The following ACLY variants were observed in gnomAD, a reference collection of about 807,000 sequenced individuals.
ACLY encodes the protein ATP citrate lyase, also known as ATP-citrate synthase.
Under a neutral mutation model 133.0 loss-of-function variants are expected in ACLY, and 41 were observed. That is an observed-to-expected ratio of 0.31 (90% CI 0.24 to 0.40). The LOEUF is 0.40. Ranked by LOEUF, ACLY falls within the 10% of genes least tolerant of loss-of-function variation. The pLI, the probability that ACLY is intolerant of heterozygous loss-of-function variation, is 1.00. For synonymous variants in ACLY, 495 were observed against 549.3 expected (o/e 0.90, Z 1.38); for missense variants, 1,046 against 1,453.8 (o/e 0.72, Z 4.56).
chr17:41,892,902 C>T, intron 15 of ACLY, 131 bp downstream of exon 15: 4 of 1,192,752 alleles, frequency 3.4e-6, no homozygotes, highest in Non-Finnish European at 4.7e-6. Flanking sequence ...TGGTCTCAAA[C>T]TCCTGGGCTC....
chr17:41,887,933 G>T (rs575736398), intron 16 of ACLY, among the ~76,000 whole-genome samples: 2,530 of 152,168 alleles, frequency 0.017, 81 homozygotes, highest in African/African-American at 0.058. Context: ...TTCGAGACCA[G>T]CCTGGCCAAC....
intron 7 of ACLY, 121 bp from the exon 8 acceptor site, chr17:41,906,767 G>T (rs2049731606): frequency 1.1e-6 from 1 of 891,512 alleles, no homozygotes; most frequent in African/African-American, 1.6e-5. Context: ...GGGGTGGGAA[G>T]AAGGGGCTAC....
At chr17:41,928,894 T>C (rs2050275999) in intron 1 of ACLY, among the ~76,000 whole-genome samples, 1 of 149,558 alleles carries the variant, frequency 6.7e-6, no homozygotes, top group Non-Finnish European at 1.5e-5. Flanking sequence ...TGATTGGAAC[T>C]GCACTGAATC....
chr17:41,898,828 A>G, intron 11 of ACLY, 43 bp from the exon 12 acceptor site: 1 of 1,586,398 alleles, frequency 6.3e-7, no homozygotes. Flanking sequence ...AAGTCTGCAG[A>G]TAAGGGCCCA....
chr17:41,869,267 A>G lies in ACLY; in HGVS notation c.3052-142T>C, dbSNP rs2048539050. 22 of 870,696 alleles carry G rather than the reference A, an allele frequency of 2.5e-5. No homozygotes were observed. The South Asian group carries it at 3.6e-4, about 14-fold the overall frequency. 53.9% of individuals were successfully genotyped at this position (870,696 alleles called of 1,614,324 possible). Reference sequence around the variant, plus strand: ...GCCCCACTGGTCGACACTGTGTCTGACTCAGTTCAATTCCCAGCATCTAGC... The same window carrying G: ...GCCCCACTGGTCGACACTGTGTCTGGCTCAGTTCAATTCCCAGCATCTAGC... On this transcript the variant is annotated intron_variant, in intron 26 of 28. Transcript: ENST00000352035.
At chr17:41,872,834 A>G (rs1432949149) in intron 23 of ACLY, among the ~76,000 whole-genome samples, 1 of 152,160 alleles carries the variant, frequency 6.6e-6, no homozygotes, top group African/African-American at 2.4e-5. Flanking sequence ...CAACCTCCCA[A>G]CTAAGAATCA....
rs1423332501 is a variant in ACLY, at chr17:41,912,626, G to T, written c.160-84C>A. 3.9e-6 allele frequency: 6 copies of T among 1,532,818 alleles called. No homozygotes were observed. In the African/African-American group the frequency reaches 8.2e-5, roughly 21 times the overall value. The allele number at this position is 1,532,818 out of a possible 1,614,324, so 95.0% of individuals were successfully genotyped here. A position where few individuals can be genotyped will look rare whatever the true frequency, so the allele number is the denominator to read the frequency against. ...TGGGGATCCAAATAGAGGACAGCAG[G>T]GATTGACTTCCCATTCACTCTGCTC... On this transcript the variant is annotated intron_variant, in intron 2 of 28. Coordinates refer to ENST00000352035, the MANE Select transcript of ACLY (RefSeq NM_001096.3).
At chr17:41,904,837 T>C in intron 9 of ACLY, 47 bp from the exon 10 acceptor site, 1 of 1,556,054 alleles carries the variant, frequency 6.4e-7, no homozygotes, top group Non-Finnish European at 8.9e-7. Flanking sequence ...ATAGGTAGAC[T>C]TGAGCATCTT....
intron 10 of ACLY, among the ~76,000 whole-genome samples, chr17:41,902,167 A>C (rs1182109210): frequency 6.6e-6 from 1 of 152,218 alleles, no homozygotes; most frequent in Non-Finnish European, 1.5e-5. Context: ...TCTCAGAGGT[A>C]CTAAGACATA....
rs557833498 is a variant in ACLY at position 41,899,194 on chromosome 17, G to T, written c.1184-409C>A. On this transcript the variant is annotated intron_variant, in intron 11 of 28. Transcript: ENST00000352035. ...GGAGGCTCAGGCAGGAGGATCCCTTGAAACTGGGAGGCAGAGGTTGCAAAG... is the reference window on the plus strand; with the variant it reads ...GGAGGCTCAGGCAGGAGGATCCCTTTAAACTGGGAGGCAGAGGTTGCAAAG... 9.2e-5 allele frequency among the ~76,000 whole-genome samples: 14 copies of T among 152,026 alleles called. 1 individual carries two copies. Among genetic ancestry groups the T allele is most frequent in the African/African-American group, 3.4e-4 (14 of 41,446 alleles).
chr17:41,907,420 C>G (rs2049753340), intron 7 of ACLY, 22 bp downstream of exon 7: 1 of 1,598,688 alleles, frequency 6.3e-7, no homozygotes, highest in African/African-American at 1.3e-5. Flanking sequence ...CAGTCCCCAT[C>G]TCCTCTCTAA....
intron 1 of ACLY, among the ~76,000 whole-genome samples, chr17:41,915,090 A>G (rs1333700944): frequency 2.0e-5 from 3 of 152,170 alleles, no homozygotes; most frequent in African/African-American, 7.2e-5. Flanking sequence ...CCAGCCCAAG[A>G]AAAGACCATT....
chr17:41,913,273 A>C (rs1338638841), intron 2 of ACLY, among the ~76,000 whole-genome samples: 5 of 152,200 alleles, frequency 3.3e-5, no homozygotes, highest in Non-Finnish European at 7.3e-5. Context: ...TACATTCCTG[A>C]TATACTCCAC....
chr17:41,919,200 C>T (rs1471699256), upstream of ACLY, among the ~76,000 whole-genome samples: 1 of 152,116 alleles, frequency 6.6e-6, no homozygotes, highest in Non-Finnish European at 1.5e-5. Context: ...GGGGCGGGGC[C>T]CCGGGTGGGG....
At chr17:41,915,602 A>G (rs1439728713) in intron 1 of ACLY, among the ~76,000 whole-genome samples, 5 of 152,148 alleles carry the variant, frequency 3.3e-5, no homozygotes, top group African/African-American at 9.7e-5. Flanking sequence ...AAAGTGGGGT[A>G]GCTGGGAAGG....
At chr17:41,887,549 C>T (rs1298455019) in intron 17 of ACLY, 50 bp downstream of exon 17, 2 of 1,519,688 alleles carry the variant, frequency 1.3e-6, no homozygotes, top group Non-Finnish European at 1.8e-6. Flanking sequence ...GGGCATTGAA[C>T]TTCATAAGAT....
chr17:41,908,486 G>A (rs1482910601), intron 6 of ACLY, among the ~76,000 whole-genome samples: 7 of 152,198 alleles, frequency 4.6e-5, no homozygotes, highest in South Asian at 2.1e-4. Context: ...ACTTCTGGCC[G>A]GGCGTGGTGG....
At chr17:41,892,808 C>G (rs1300678879) in intron 15 of ACLY, among the ~76,000 whole-genome samples, 1 of 152,118 alleles carries the variant, frequency 6.6e-6, no homozygotes, top group Non-Finnish European at 1.5e-5. Flanking sequence ...TCCCAAGTAG[C>G]TGGGACTACA....
exon 1 of ACLY, chr17:41,930,420 C>T (rs2050306134): frequency 3.2e-6 from 1 of 315,242 alleles, no homozygotes. Flanking sequence ...TCTTGGCTGT[C>T]TTACAAGGGA....
Sources: allele counts gnomAD v4.1 joint callset (sites outside exome capture counted in the v4.1 genomes callset), GRCh38; gene constraint gnomAD v4.1.1; transcripts MANE v1.5; gene names NCBI Gene and HGNC (gene_info 2026-07-23, HGNC 2026-07-21).